CNTNAP2: variants seen among roughly 807,000 people sequenced by gnomAD.
CNTNAP2 encodes contactin associated protein 2.
A neutral mutation model predicts 155.2 loss-of-function variants in CNTNAP2; 98 were observed. The observed-to-expected ratio is 0.63, with a 90% CI of 0.54 to 0.75. CNTNAP2 has a LOEUF of 0.75. CNTNAP2 is among the 30% of genes least tolerant of loss of function. The pLI is 0.00. For missense variants in CNTNAP2, 1,727 were observed against 1,688.1 expected, an observed-to-expected ratio of 1.02 and a Z score of -0.40; for synonymous variants, 651 against 631.2, an observed-to-expected ratio of 1.03 and a Z score of -0.47.
intron 13 of CNTNAP2, among the ~76,000 whole-genome samples, chr7:147,840,062 G>A (rs1271162599): frequency 6.6e-6 from 1 of 152,070 alleles, no homozygotes; most frequent in African/African-American, 2.4e-5. Flanking sequence ...AAATAACTCA[G>A]AAGCAGAAAG....
intron 1 of CNTNAP2, among the ~76,000 whole-genome samples, chr7:146,420,449 C>T (rs1037465363): frequency 1.3e-5 from 2 of 151,956 alleles, no homozygotes; most frequent in African/African-American, 4.8e-5. Context: ...ATAGTGAATT[C>T]GCATTTTTAA....
intron 1 of CNTNAP2, among the ~76,000 whole-genome samples, chr7:146,755,484 A>G (rs2129183152): frequency 6.6e-6 from 1 of 152,148 alleles, no homozygotes; most frequent in Non-Finnish European, 1.5e-5. Flanking sequence ...TGAATAAATG[A>G]TGTTTATACT....
intron 14 of CNTNAP2, among the ~76,000 whole-genome samples, chr7:147,964,165 A>T (rs1049901623): frequency 1.2e-4 from 19 of 152,146 alleles, no homozygotes; most frequent in African/African-American, 4.6e-4. Flanking sequence ...GAAAGGCCAT[A>T]TGAGGACACG....
At chr7:147,674,533 A>G (rs902480233) in intron 13 of CNTNAP2, among the ~76,000 whole-genome samples, 1 of 152,136 alleles carries the variant, frequency 6.6e-6, no homozygotes, top group East Asian at 1.9e-4. Context: ...ATACAATATT[A>G]TTTATAGAGT....
intron 1 of CNTNAP2, among the ~76,000 whole-genome samples, chr7:146,248,941 G>A (rs978120540): frequency 1.1e-4 from 16 of 152,270 alleles, no homozygotes; most frequent in Non-Finnish European, 1.9e-4. Flanking sequence ...GGGTGGGGCC[G>A]TTTTACAGGA....
At chr7:146,337,324 T>G (rs1801293866) in intron 1 of CNTNAP2, among the ~76,000 whole-genome samples, 1 of 150,422 alleles carries the variant, frequency 6.6e-6, no homozygotes, top group African/African-American at 2.4e-5. Flanking sequence ...ACAAACTACG[T>G]AAAGAGTGTT....
At chr7:147,313,759 T>G (rs1795170251) in intron 9 of CNTNAP2, among the ~76,000 whole-genome samples, 1 of 152,136 alleles carries the variant, frequency 6.6e-6, no homozygotes, top group Admixed American at 6.6e-5. Context: ...CTTTTTTGGT[T>G]CCATATGAAC....
chr7:147,880,829 C>A (rs1427402996), intron 13 of CNTNAP2, among the ~76,000 whole-genome samples: 1 of 148,482 alleles, frequency 6.7e-6, no homozygotes, highest in Non-Finnish European at 1.5e-5. Flanking sequence ...TAACAAAGAC[C>A]ATTTTCATGT....
intron 15 of CNTNAP2, among the ~76,000 whole-genome samples, chr7:148,047,955 G>A (rs554034382): frequency 5.9e-5 from 9 of 151,660 alleles, no homozygotes; most frequent in Admixed American, 2.0e-4. Flanking sequence ...ACAGAGTCTC[G>A]CTTTGTCGCC....
At chr7:146,838,064 C>T (rs190676256) in intron 2 of CNTNAP2, among the ~76,000 whole-genome samples, 184 of 152,250 alleles carry the variant, frequency 1.2e-3, no homozygotes, top group Non-Finnish European at 2.1e-3. Context: ...CACAGCTGTG[C>T]CCTCTCTGGG....
At chr7:147,384,715 A>AT (rs1796598247) in intron 9 of CNTNAP2, among the ~76,000 whole-genome samples, 1 of 152,200 alleles carries the variant, frequency 6.6e-6, no homozygotes, top group South Asian at 2.1e-4. Context: ...GGATGACAGA[A>AT]TTTTTAGCGT....
intron 13 of CNTNAP2, among the ~76,000 whole-genome samples, chr7:147,781,263 G>T (rs1797657569): frequency 6.6e-6 from 1 of 152,140 alleles, no homozygotes; most frequent in Non-Finnish European, 1.5e-5. Flanking sequence ...AATCAAGTTA[G>T]CAGTAGACTG....
intron 3 of CNTNAP2, among the ~76,000 whole-genome samples, chr7:146,961,249 C>T (rs1797553582): frequency 6.6e-6 from 1 of 152,174 alleles, no homozygotes; most frequent in African/African-American, 2.4e-5. Flanking sequence ...CCCCTGCAGG[C>T]ACAGCCACCA....
intron 6 of CNTNAP2, among the ~76,000 whole-genome samples, chr7:147,123,153 T>A (rs1346329689): frequency 1.3e-5 from 2 of 152,162 alleles, no homozygotes; most frequent in African/African-American, 4.8e-5. Flanking sequence ...AACTGATTGT[T>A]AAAAGAAAAT....
chr7:146,398,294 G>A (rs1196099505), intron 1 of CNTNAP2, among the ~76,000 whole-genome samples: 3 of 150,744 alleles, frequency 2.0e-5, no homozygotes, highest in Non-Finnish European at 2.9e-5. Context: ...GGGCTAGGAA[G>A]GAATCAGGGA....
At chr7:148,145,444 A>C (rs1014933477) in intron 16 of CNTNAP2, among the ~76,000 whole-genome samples, 1 of 152,212 alleles carries the variant, frequency 6.6e-6, no homozygotes, top group Non-Finnish European at 1.5e-5. Context: ...GCAGTAGGAG[A>C]ATCACAGAGG....
chr7:148,210,629 C>T (rs777627161), intron 18 of CNTNAP2, among the ~76,000 whole-genome samples: 32 of 152,276 alleles, frequency 2.1e-4, no homozygotes, highest in South Asian at 1.7e-3. Flanking sequence ...CATTTTTTCT[C>T]CATTGTACAG....
intron 1 of CNTNAP2, among the ~76,000 whole-genome samples, chr7:146,415,229 C>G (rs1175002206): frequency 6.6e-6 from 1 of 151,992 alleles, no homozygotes; most frequent in African/African-American, 2.4e-5. Flanking sequence ...TACCACACCA[C>G]ACACACATAC....
chr7:148,354,460 C>T (rs1798478405), intron 21 of CNTNAP2, among the ~76,000 whole-genome samples: 1 of 152,072 alleles, frequency 6.6e-6, no homozygotes, highest in Non-Finnish European at 1.5e-5. Context: ...GCTGCTGTTC[C>T]AATCCAGCAC....
Sources: allele counts gnomAD v4.1 joint callset (sites outside exome capture counted in the v4.1 genomes callset), GRCh38; gene constraint gnomAD v4.1.1; transcripts MANE v1.5; gene names NCBI Gene and HGNC (gene_info 2026-07-23, HGNC 2026-07-21).